SYT9: variants seen among roughly 807,000 people sequenced by gnomAD.
SYT9 encodes synaptotagmin 9.
SYT9 carries 22 observed loss-of-function variants against 48.4 expected under a neutral mutation model. That is an observed-to-expected ratio of 0.45 (90% confidence interval 0.32 to 0.65). The LOEUF is 0.65. Ranked by LOEUF, SYT9 falls within the 30% of genes least tolerant of loss-of-function variation. The pLI is 0.03. For synonymous variants in SYT9, 265 were observed against 245.0 expected (o/e 1.08, Z -0.76); for missense variants, 577 against 622.0 (o/e 0.93, Z 0.77).
In SYT9 at chr11:7,303,043, C is replaced by A. The variant is rs751028299; in HGVS notation, c.150C>A (p.Ile50=). ...RARPRLRDPD[I]SVSLLTLVVT... ...TTGATCTTTGCTTCTTTGCAGATAT[C>A]TCAGTGAGCCTGCTGACCCTTGTGG... The change falls in exon 2 of 7, where the codon ATC becomes ATA. Residue 50 remains isoleucine, a synonymous_variant. Transcript: ENST00000318881. 1 of 1,613,684 alleles carries A rather than the reference C, an allele frequency of 6.2e-7. No homozygotes were observed.
chr11:7,435,914 G>C (rs1847697975), intron 6 of SYT9: 1 of 152,224 alleles, frequency 6.6e-6, no homozygotes, highest in Non-Finnish European at 1.5e-5. Flanking sequence ...CCAGGAGGCA[G>C]AGGTTGCAGT....
chr11:7,436,477 T>C (rs375988110), intron 6 of SYT9, among the ~76,000 whole-genome samples: 5 of 152,362 alleles, frequency 3.3e-5, no homozygotes, highest in African/African-American at 1.2e-4. Context: ...TGAGGGTCCA[T>C]GGTGCTCCTA....
chr11:7,425,861 C>A (rs549190800), intron 6 of SYT9, among the ~76,000 whole-genome samples: 1 of 152,050 alleles, frequency 6.6e-6, no homozygotes, highest in Non-Finnish European at 1.5e-5. Context: ...GTGCTCCCCC[C>A]CAATATAGTC....
At chr11:7,456,175 A>G (rs72846888) in intron 6 of SYT9, among the ~76,000 whole-genome samples, 49,564 of 152,130 alleles carry the variant, frequency 0.33, 9,144 homozygotes, top group African/African-American at 0.5. Context: ...GGTCTGGGGC[A>G]TAGGGTCTGT....
intron 1 of SYT9, among the ~76,000 whole-genome samples, chr11:7,239,749 C>T (rs2119710831): frequency 6.6e-6 from 1 of 152,180 alleles, no homozygotes; most frequent in Non-Finnish European, 1.5e-5. Flanking sequence ...ACAAGATTTG[C>T]TGGTGGATTG....
intron 6 of SYT9, chr11:7,453,940 A>C: frequency 1.0e-6 from 1 of 960,148 alleles, no homozygotes; most frequent in Non-Finnish European, 1.2e-6. Context: ...GCACCAGGGA[A>C]GAGGCCTTAA....
chr11:7,432,540 T>C (rs1169953596), intron 6 of SYT9, among the ~76,000 whole-genome samples: 2 of 103,320 alleles, frequency 1.9e-5, no homozygotes, highest in African/African-American at 7.7e-5. Flanking sequence ...AGAGTGAGAC[T>C]CCATCTCAAA....
At chr11:7,436,860 A>C (rs7102917) in intron 6 of SYT9, among the ~76,000 whole-genome samples, 2 of 152,040 alleles carry the variant, frequency 1.3e-5, no homozygotes, top group Admixed American at 6.5e-5. Context: ...ATTACAGCTC[A>C]GCCACTTCGA....
chr11:7,381,443 C>T (rs1850562640), intron 3 of SYT9, among the ~76,000 whole-genome samples: 1 of 152,224 alleles, frequency 6.6e-6, no homozygotes, highest in Non-Finnish European at 1.5e-5. Context: ...TGGTTTCCCT[C>T]TCTGCCAGTT....
At chr11:7,267,675 A>T (rs972378871) in intron 1 of SYT9, among the ~76,000 whole-genome samples, 6 of 151,952 alleles carry the variant, frequency 3.9e-5, no homozygotes, top group Non-Finnish European at 7.4e-5. Context: ...GAGCCTAAAA[A>T]TAGAAAGGTA....
intron 1 of SYT9, among the ~76,000 whole-genome samples, chr11:7,246,126 A>C (rs1847788219): frequency 6.6e-6 from 1 of 152,126 alleles, no homozygotes; most frequent in Non-Finnish European, 1.5e-5. Context: ...TGGTAGGTCT[A>C]AACAGCAAAA....
At chr11:7,281,881 C>A (rs1285953361) in intron 1 of SYT9, among the ~76,000 whole-genome samples, 1 of 152,202 alleles carries the variant, frequency 6.6e-6, no homozygotes, top group East Asian at 1.9e-4. Context: ...TCATTCTGCT[C>A]CCCAAGAGCA....
intron 2 of SYT9, 132 bp from the exon 3 acceptor site, chr11:7,313,263 A>C: frequency 1.1e-6 from 1 of 889,320 alleles, no homozygotes; most frequent in Non-Finnish European, 1.7e-6. Context: ...TAGGCCACAC[A>C]CACACAAAAA....
At position 7,313,869 on chromosome 11, in the gene SYT9, G is replaced by A; in HGVS notation, c.972G>A (p.Val324=). ...SRHDLIGQVV[V]DHFLDLADFP... Reference sequence around the variant, plus strand: ...ATGACTTAATCGGCCAAGTGGTGGTGGATCACTTCCTAGACTTGGCTGATT... The same window carrying A: ...ATGACTTAATCGGCCAAGTGGTGGTAGATCACTTCCTAGACTTGGCTGATT... The change falls in exon 3 of 7, where the codon GTG becomes GTA. Residue 324 remains valine (V), a synonymous_variant. Coordinates refer to ENST00000318881, the MANE Select transcript of SYT9 (RefSeq NM_175733.4). 2 of 1,614,122 alleles carry A rather than the reference G, an allele frequency of 1.2e-6. No individual in the cohort carries two copies. The highest frequency in any genetic ancestry group is 1.1e-5 in the South Asian group (1 of 91,088).
At chr11:7,386,583 C>A (rs1850664708) in intron 3 of SYT9, among the ~76,000 whole-genome samples, 2 of 152,134 alleles carry the variant, frequency 1.3e-5, no homozygotes, top group African/African-American at 4.8e-5. Context: ...AAATGCAAAT[C>A]AAAACCACTA....
At chr11:7,309,862 C>T (rs1378536262) in intron 2 of SYT9, among the ~76,000 whole-genome samples, 1 of 152,118 alleles carries the variant, frequency 6.6e-6, no homozygotes, top group Non-Finnish European at 1.5e-5. Context: ...CCGTGCCTCT[C>T]CCCGAACTCC....
At chr11:7,405,743 A>G (rs73399600) in intron 3 of SYT9, among the ~76,000 whole-genome samples, 2,199 of 152,356 alleles carry the variant, frequency 0.014, 48 homozygotes, top group African/African-American at 0.049. Flanking sequence ...ATAGGCTAGT[A>G]TATGTATGAG....
Position 7,313,899 on chromosome 11 carries a change from C to T in SYT9, c.1002C>T (p.Pro334=), listed in dbSNP as rs754815078. 17 of 1,613,800 alleles carry T rather than the reference C, an allele frequency of 1.1e-5. No individual in the cohort carries two copies. Among genetic ancestry groups the T allele is most frequent in the South Asian group, 4.4e-5 (4 of 91,062 alleles). Residue 334 remains proline, a synonymous_variant, in exon 3 of 7, where the codon CCC becomes CCT. Transcript: ENST00000318881. Reference sequence around the variant, plus strand: ...ACTTCCTAGACTTGGCTGATTTCCCCAGGGAGTGCATCCTTTGGAAGGATA... The same window carrying T: ...ACTTCCTAGACTTGGCTGATTTCCCTAGGGAGTGCATCCTTTGGAAGGATA... ...VDHFLDLADF[P]RECILWKDIE... is the part of the protein sequence containing the mutation.
intron 1 of SYT9, among the ~76,000 whole-genome samples, chr11:7,300,515 T>C (rs2133933251): frequency 6.6e-6 from 1 of 152,334 alleles, no homozygotes; most frequent in Middle Eastern, 3.4e-3. Context: ...AATAACACAG[T>C]TATCTCATCA....
Sources: gnomAD v4.1 joint callset for allele counts (sites outside exome capture counted in the v4.1 genomes callset) on GRCh38, gnomAD v4.1.1 for gene constraint, MANE v1.5 for transcripts, NCBI Gene and HGNC (gene_info 2026-07-23, HGNC 2026-07-21) for gene names.